The following RGS12 variants were observed in gnomAD, a reference collection of about 807,000 sequenced individuals.
The protein encoded by RGS12 is regulator of G-protein signaling 12.
RGS12 carries 66 observed loss-of-function variants against 120.1 expected under a neutral mutation model. The ratio of observed to expected loss-of-function variants is 0.55; its 90% CI spans 0.45 to 0.67. The LOEUF (loss-of-function observed/expected upper bound fraction) is 0.67, where lower values mean the gene tolerates loss of function less well. Ranked by LOEUF, RGS12 falls within the 30% of genes least tolerant of loss-of-function variation. The pLI is 0.00. For synonymous variants in RGS12, 827 were observed against 804.7 expected (o/e 1.03, Z -0.47); for missense variants, 1,859 against 1,957.7 (o/e 0.95, Z 0.95).
At chr4:3,296,237 C>T (rs777282139) in intron 1 of RGS12, among the ~76,000 whole-genome samples, 22 of 152,264 alleles carry the variant, frequency 1.4e-4, no homozygotes, top group East Asian at 9.7e-4. Context: ...AGGTGGAGTG[C>T]GGTGGCACAA....
In RGS12 at chr4:3,352,365, C is replaced by T. The variant is rs1291502246; in HGVS notation, c.1998+9312C>T. On this transcript the variant is annotated intron_variant, in intron 3 of 17. Transcript: ENST00000336727. ...TCATGGAAGCAGAGAGCTCAAAGGG[C>T]TCAGTTGAGTGCCTCATACCAGTTC... Among the ~76,000 whole-genome samples, 4 of 152,260 alleles carry T rather than the reference C, an allele frequency of 2.6e-5. No individual in the cohort carries two copies. In the East Asian group the frequency reaches 5.8e-4, roughly 22 times the overall value.
intron 1 of RGS12, chr4:3,313,014 T>C (rs1254614491): frequency 6.6e-6 from 1 of 152,164 alleles, no homozygotes; most frequent in Non-Finnish European, 1.5e-5. Flanking sequence ...ACTGTGCCAC[T>C]GCACTCCAGT....
chr4:3,322,790 G>C (rs1725285628), intron 2 of RGS12, among the ~76,000 whole-genome samples: 1 of 152,074 alleles, frequency 6.6e-6, no homozygotes, highest in Non-Finnish European at 1.5e-5. Context: ...AACATCAGTA[G>C]CTGAAACCCA....
At chr4:3,415,728 C>T (rs1194652598) in intron 6 of RGS12, among the ~76,000 whole-genome samples, 3 of 152,252 alleles carry the variant, frequency 2.0e-5, no homozygotes, top group Non-Finnish European at 2.9e-5. Flanking sequence ...ATTGCCCCTG[C>T]GCAGCTGCTG....
intron 2 of RGS12, among the ~76,000 whole-genome samples, chr4:3,334,508 T>G (rs1386946619): frequency 6.6e-6 from 1 of 152,200 alleles, no homozygotes; most frequent in Non-Finnish European, 1.5e-5. Context: ...TGTCGAGTTT[T>G]GGTATCAAGA....
chr4:3,389,814 A>G lies in RGS12; in HGVS notation c.2020+3377A>G, dbSNP rs1577033236. ...GTGGCAGGTCCACATGACACCCCAC[A>G]TACATGACCCCGGTGCTCCAGCTGC... On this transcript the variant is annotated intron_variant, in intron 4 of 17. Transcript: ENST00000336727. The surrounding 1 kb of genome is among the most constrained non-coding windows in gnomAD (Gnocchi z 5.2). Among the ~76,000 whole-genome samples, 1 of 152,140 alleles carries G rather than the reference A, an allele frequency of 6.6e-6. No homozygotes were observed. The highest frequency in any genetic ancestry group is 1.5e-5 in the Non-Finnish European group (1 of 68,006).
chr4:3,290,912 C>A (rs558002646), upstream of RGS12, among the ~76,000 whole-genome samples: 254 of 152,388 alleles, frequency 1.7e-3, 1 homozygote, highest in African/African-American at 5.9e-3. Context: ...ACACTTGACA[C>A]CTTCTCTCCG....
intron 1 of RGS12, among the ~76,000 whole-genome samples, chr4:3,300,791 C>G (rs188895808): frequency 6.6e-6 from 1 of 152,258 alleles, no homozygotes; most frequent in Non-Finnish European, 1.5e-5. Context: ...CCCTCTTTTA[C>G]GGACACCTGT....
In RGS12 at chr4:3,317,981, G is replaced by C; in HGVS notation, c.1811G>C (p.Arg604Thr). 3 of 1,612,390 alleles carry C rather than the reference G, an allele frequency of 1.9e-6. No individual in the cohort carries two copies. The East Asian group carries it at 6.7e-5, about 36-fold the overall frequency. Residue 604 changes from arginine to threonine, a missense_variant, in exon 2 of 18, where the codon AGG becomes ACG. Physicochemically the swap from Arg to Thr is moderately conservative, Grantham distance 71 (BLOSUM62 -1). Around this residue, in one of 3 missense-constraint regions of RGS12, gnomAD observed 967 missense variants for 994.2 expected, o/e 0.97. Coordinates refer to ENST00000336727, the MANE Select transcript of RGS12 (RefSeq NM_001394154.1). ...PLNAPKREWS[R>T]KAFGMQSIFG... ...AATGCCCCGAAGAGGGAGTGGTCCA[G>C]GAAGGCCTTTGGAATGCAAAGCATT...
Position 3,295,660 on chromosome 4 carries a change from CAA to C in RGS12, c.-102+2581_-102+2582del, listed in dbSNP as rs35692556. Among the ~76,000 whole-genome samples the C allele has an allele frequency of 1.1e-3, 63 of 58,158 alleles. No individual in the cohort carries two copies. In the East Asian group the frequency reaches 0.017, roughly 16 times the overall value. 38.2% of individuals were successfully genotyped at this position (58,158 alleles called of 152,430 possible). ...GGGTGACAAGAGCAAAACTCTGTCTCAAAAAAAAAAAAAAAAAAAAAGCTCCA... is the reference window on the plus strand; with the variant it reads ...GGGTGACAAGAGCAAAACTCTGTCTCAAAAAAAAAAAAAAAAAAAGCTCCA... On this transcript the variant is annotated intron_variant, in intron 1 of 17. Transcript: ENST00000336727.
At position 3,317,622 on chromosome 4, in the gene RGS12, C is replaced by T. The variant is rs748810318; in HGVS notation, c.1452C>T (p.Pro484=). 8.8e-6 allele frequency: 14 copies of T among 1,587,258 alleles called. No homozygotes were observed. In the South Asian group the frequency reaches 1.4e-4, roughly 15 times the overall value. ...GPFCPDPEGS[P]PFEAAHQTDR... Reference sequence around the variant, plus strand: ...TCTGTCCGGACCCCGAAGGGAGCCCCCCATTTGAGGCCGCTCATCAGACTG... The same window carrying T: ...TCTGTCCGGACCCCGAAGGGAGCCCTCCATTTGAGGCCGCTCATCAGACTG... Residue 484 remains proline, a synonymous_variant, in exon 2 of 18, where the codon CCC becomes CCT. Transcript: ENST00000336727.
In RGS12 at chr4:3,350,180, GTTAGTC is replaced by G. The variant is rs200544072; in HGVS notation, c.1998+7134_1998+7139del. 1.4e-4 allele frequency among the ~76,000 whole-genome samples: 21 copies of G among 152,280 alleles called. No homozygotes were observed. The East Asian group carries it at 3.3e-3, about 24-fold the overall frequency. ...CAGCAATTTTGATTAAACTAACAGTGTTAGTCTTAGTCATTAAAAAGTTATACAAAT... is the reference window on the plus strand; with the variant it reads ...CAGCAATTTTGATTAAACTAACAGTGTTAGTCATTAAAAAGTTATACAAAT... On this transcript the variant is annotated intron_variant, in intron 3 of 17. Coordinates refer to ENST00000336727, the MANE Select transcript of RGS12 (RefSeq NM_001394154.1).
Position 3,298,934 on chromosome 4 carries a change from A to G in RGS12, c.-102+5835A>G, listed in dbSNP as rs185625434. Among the ~76,000 whole-genome samples the G allele has an allele frequency of 1.0e-3, 153 of 152,276 alleles. 1 individual carries two copies. The highest frequency in any genetic ancestry group is 3.4e-3 in the African/African-American group (143 of 41,552). On this transcript the variant is annotated intron_variant, in intron 1 of 17. Transcript: ENST00000336727. ...GCGGCTTTAATGTTCTTTTCTGCTA[A>G]TTTCAACACCTGCATTACCTCAGGA...
intron 1 of RGS12, chr4:3,314,121 G>T (rs1340087476): frequency 6.6e-6 from 1 of 150,982 alleles, no homozygotes; most frequent in African/African-American, 2.4e-5. Context: ...TATTAATACA[G>T]TACTACTTAG....
chr4:3,430,368 C>A, intron 16 of RGS12, 39 bp from the exon 17 acceptor site: 1 of 1,552,892 alleles, frequency 6.4e-7, no homozygotes, highest in Non-Finnish European at 8.8e-7. Context: ...TAATGTGAAA[C>A]TCTCTAAAAC....
chr4:3,431,173 T>A (rs964230385), intron 17 of RGS12: 12 of 1,410,052 alleles, frequency 8.5e-6, no homozygotes, highest in Non-Finnish European at 1.1e-5. Context: ...CCCGAGGCGC[T>A]CTGGGCAGGC....
intron 1 of RGS12, among the ~76,000 whole-genome samples, chr4:3,306,614 T>G (rs1261655946): frequency 1.3e-5 from 2 of 152,180 alleles, no homozygotes; most frequent in Non-Finnish European, 2.9e-5. Context: ...TAAACACAAA[T>G]AGCTGTTGGT....
intron 4 of RGS12, chr4:3,413,841 C>A (rs774894756): frequency 2.9e-5 from 15 of 515,904 alleles, no homozygotes; most frequent in Non-Finnish European, 5.2e-5. Flanking sequence ...TGCTCGTGCA[C>A]ACACATGTGC....
intron 17 of RGS12, chr4:3,432,147 G>A: frequency 1.0e-6 from 1 of 985,466 alleles, no homozygotes; most frequent in Non-Finnish European, 1.2e-6. Flanking sequence ...TGTTCTTCCA[G>A]GAGTAATAAA....
Sources: gnomAD v4.1 joint callset for allele counts (sites outside exome capture counted in the v4.1 genomes callset) on GRCh38, gnomAD v4.1.1 for gene constraint, gnomAD v4.1.1 regional missense constraint, Gnocchi (gnomAD v3.1) non-coding constraint, MANE v1.5 for transcripts, NCBI Gene and HGNC (gene_info 2026-07-23, HGNC 2026-07-21) for gene names.